The following IDH3B variants were observed in gnomAD, a reference collection of about 807,000 sequenced individuals.
The protein encoded by IDH3B is isocitrate dehydrogenase (NAD(+)) 3 non-catalytic subunit beta.
In IDH3B, 40 loss-of-function variants were observed where a neutral mutation model predicts 47.5. That is an observed-to-expected ratio of 0.84 (90% CI 0.65 to 1.10). The LOEUF is 1.10. Ranked by LOEUF, IDH3B falls within the 50% of genes least tolerant of loss-of-function variation. The probability of loss-of-function intolerance (pLI) is 0.00; values close to 1 mark genes in which losing one functional copy is unlikely to be tolerated. For synonymous variants in IDH3B, 185 were observed against 191.0 expected, an observed-to-expected ratio of 0.97 and a Z score of 0.26; for missense variants, 450 against 505.2, an observed-to-expected ratio of 0.89 and a Z score of 1.05.
intron 11 of IDH3B, chr20:2,659,216 G>A (rs2086888729): frequency 6.9e-7 from 1 of 1,439,306 alleles, no homozygotes; most frequent in Middle Eastern, 2.6e-4. Flanking sequence ...TGTATCCCTT[G>A]CTGTTCCACC....
intron 11 of IDH3B, 97 bp from the exon 12 acceptor site, chr20:2,658,934 C>T (rs1223806643): frequency 7.0e-6 from 11 of 1,572,390 alleles, no homozygotes; most frequent in Admixed American, 1.8e-5. Flanking sequence ...GCCAAGAATG[C>T]GTGACAGCCA....
chr20:2,662,969 A>G (rs2086974695), intron 4 of IDH3B, among the ~76,000 whole-genome samples: 2 of 150,642 alleles, frequency 1.3e-5, no homozygotes, highest in South Asian at 4.2e-4. Flanking sequence ...AACAAAACAA[A>G]CACAAAAATT....
Position 2,659,779 on chromosome 20 carries a change from T to C in IDH3B, c.930A>G (p.Pro310=). ...TATTCCTGCCCACTGCCTGGGCAAA[T>C]GGGTGCCGGGCACCCTGTGGAGAGA... ...YAVFETGARH[P]FAQAVGRNIA... The change falls in exon 10 of 12, where the codon CCA becomes CCG. Residue 310 remains proline (P), a synonymous_variant. Coordinates refer to ENST00000380843, the MANE Select transcript of IDH3B (RefSeq NM_006899.5). 1 of 1,613,536 alleles carries C rather than the reference T, an allele frequency of 6.2e-7. No homozygotes were observed. The highest frequency in any genetic ancestry group is 8.5e-7 in the Non-Finnish European group (1 of 1,179,504).
At position 2,658,466 on chromosome 20, in the gene IDH3B, G is replaced by A; in HGVS notation, c.*285C>T. On this transcript the variant is annotated 3_prime_UTR_variant, in exon 12 of 12. Transcript: ENST00000380843. ...CCTATGGGTGGGGCAAGGCAGCAAT[G>A]ACAGCCTCAGTGAAGTCATGGCAAG... 1 of 1,614,158 alleles carries A rather than the reference G, an allele frequency of 6.2e-7. No homozygotes were observed. Among genetic ancestry groups the A allele is most frequent in the Non-Finnish European group, 8.5e-7 (1 of 1,180,020 alleles).
chr20:2,660,478 G>A lies in IDH3B; in HGVS notation c.644C>T (p.Ala215Val). Residue 215 changes from alanine to valine, a missense_variant, in exon 7 of 12, where the codon GCT becomes GTT. Transcript: ENST00000380843. The surrounding 1 kb of genome is among the most constrained non-coding windows in gnomAD (Gnocchi z 5.6). The part of the protein sequence containing the change: ...ATKKGRGKVT[A>V]VHKANIMKLG... ...TCACATGATGTTGGCCTTGTGGACAGCAGTGACCTTGCCCCGCCCCTTCTT... is the reference window on the plus strand; with the variant it reads ...TCACATGATGTTGGCCTTGTGGACAACAGTGACCTTGCCCCGCCCCTTCTT... 1.2e-6 allele frequency: 2 copies of A among 1,613,964 alleles called. No individual in the cohort carries two copies. The highest frequency in any genetic ancestry group is 1.7e-6 in the Non-Finnish European group (2 of 1,179,986).
chr20:2,660,719 TC>T lies in IDH3B; in HGVS notation c.508del (p.Glu170SerfsTer13). The T allele has an allele frequency of 6.2e-7, 1 of 1,614,154 alleles. No individual in the cohort carries two copies. Among genetic ancestry groups the T allele is most frequent in the Non-Finnish European group, 8.5e-7 (1 of 1,180,040 alleles). On this transcript the variant is annotated frameshift_variant, in exon 6 of 12. Coordinates refer to ENST00000380843, the MANE Select transcript of IDH3B (RefSeq NM_006899.5). LOFTEE classifies it high-confidence loss of function. The surrounding 1 kb of genome is among the most constrained non-coding windows in gnomAD (Gnocchi z 5.6). ...CACCTCATGTTCCAGAGAGCTGTAC[TC>T]CCCTTCTGTCTGCTCTCGAATGATC... is the stretch of plus-strand genomic sequence containing the variant. Reference protein sequence around the residue: ...LVIIREQTEGEYSSLEHESAR... With the variant: ...LVIIREQTEGXYSSLEHESAR...
intron 4 of IDH3B, 56 bp from the exon 5 acceptor site, chr20:2,661,025 T>A (rs2086937745): frequency 6.8e-7 from 1 of 1,481,096 alleles, no homozygotes; most frequent in Admixed American, 1.7e-5. Context: ...CCAAGGGAAC[T>A]CAGACCAGTG....
Position 2,658,829 on chromosome 20 carries a change from AGT to A in IDH3B, c.1078_1079del (p.Thr360SerfsTer23). On this transcript the variant is annotated frameshift_variant, in exon 12 of 12. Transcript: ENST00000380843. LOFTEE classifies it high-confidence loss of function. ...TGGTGCTGTAGCCGCCCATGTCTCG[AGT>A]CCGCACCTACAGCCACCACCGGCAA... The part of the protein sequence containing the change: ...KKVIKVGKVR[T>X]RDMGGYSTTT... The A allele has an allele frequency of 6.2e-7, 1 of 1,614,076 alleles. No individual in the cohort carries two copies. The highest frequency in any genetic ancestry group is 2.2e-5 in the East Asian group (1 of 44,870).
rs369324412 is a variant in IDH3B at position 2,659,634 on chromosome 20, G to A, written c.1011-49C>T. ...CTGTGACTCCCCCAAGACACCTCCC[G>A]CTAATTTCCCCACCTGCTCCTCCTC... On this transcript the variant is annotated intron_variant, in intron 10 of 11. Transcript: ENST00000380843. The A allele has an allele frequency of 1.9e-5, 31 of 1,607,274 alleles. 1 individual carries two copies. The highest frequency in any genetic ancestry group is 1.6e-4 in the Middle Eastern group (1 of 6,074).
chr20:2,658,704 G>A lies in IDH3B; in HGVS notation c.*47C>T, dbSNP rs149858382. 2.9e-5 allele frequency: 47 copies of A among 1,614,152 alleles called. No homozygotes were observed. In the East Asian group the frequency reaches 9.6e-4, roughly 33 times the overall value. On this transcript the variant is annotated 3_prime_UTR_variant, in exon 12 of 12. Coordinates refer to ENST00000380843, the MANE Select transcript of IDH3B (RefSeq NM_006899.5). ...CTCTTCCCTGGTACACTGCACTGAAGGGTATGGGGAGTGTGGTCCTTGCAA... is the reference window on the plus strand; with the variant it reads ...CTCTTCCCTGGTACACTGCACTGAAAGGTATGGGGAGTGTGGTCCTTGCAA...
chr20:2,659,182 G>A (rs1397815392), intron 11 of IDH3B: 1 of 1,217,864 alleles, frequency 8.2e-7, no homozygotes, highest in Admixed American at 5.3e-5. Context: ...GGGCGTGAAG[G>A]TGAAGCTGAT....
At chr20:2,663,143 G>A (rs1245306039) in intron 4 of IDH3B, among the ~76,000 whole-genome samples, 15 of 141,364 alleles carry the variant, frequency 1.1e-4, no homozygotes, top group African/African-American at 3.0e-4. Flanking sequence ...GGAAGGGAGG[G>A]GAAAAAAAAA....
intron 4 of IDH3B, 87 bp from the exon 5 acceptor site, chr20:2,661,056 C>T: frequency 1.8e-6 from 2 of 1,115,218 alleles, no homozygotes; most frequent in Non-Finnish European, 2.7e-6. Context: ...TTAGGAACAT[C>T]ATGTAACCCA....
Position 2,658,515 on chromosome 20 carries a change from G to A in IDH3B, c.*236C>T. ...AGTAGCATAGCCACCCATGTCAGAGGTTCGAACCTGTGGGGGAGAATCATC... is the reference window on the plus strand; with the variant it reads ...AGTAGCATAGCCACCCATGTCAGAGATTCGAACCTGTGGGGGAGAATCATC... On this transcript the variant is annotated 3_prime_UTR_variant, in exon 12 of 12. Coordinates refer to ENST00000380843, the MANE Select transcript of IDH3B (RefSeq NM_006899.5). 1 of 1,614,018 alleles carries A rather than the reference G, an allele frequency of 6.2e-7. No individual in the cohort carries two copies. Among genetic ancestry groups the A allele is most frequent in the Non-Finnish European group, 8.5e-7 (1 of 1,179,984 alleles).
At position 2,658,577 on chromosome 20, in the gene IDH3B, C is replaced by G; in HGVS notation, c.*174G>C. ...GGCCTGGGCTCCATCCTAACAATCC[C>G]CATCACCACCCAACAGTCTGTCCCC... On this transcript the variant is annotated 3_prime_UTR_variant, in exon 12 of 12. Transcript: ENST00000380843. 1 of 1,612,142 alleles carries G rather than the reference C, an allele frequency of 6.2e-7. No individual in the cohort carries two copies. Among genetic ancestry groups the G allele is most frequent in the East Asian group, 2.2e-5 (1 of 44,828 alleles).
chr20:2,659,636 T>C, intron 10 of IDH3B, 51 bp from the exon 11 acceptor site: 1 of 1,609,356 alleles, frequency 6.2e-7, no homozygotes, highest in East Asian at 2.2e-5. Context: ...CACCTCCCGC[T>C]AATTTCCCCA....
chr20:2,663,794 G>A lies in IDH3B; in HGVS notation c.118-36C>T, dbSNP rs76224310. 1.5e-3 allele frequency: 2,361 copies of A among 1,608,936 alleles called. 33 individuals carry two copies. The African/African-American group carries it at 0.027, about 18-fold the overall frequency. ...GGAAGAGGGGAGAAGTAAAGATAGAGCTGGGGCGGGAGCACGGATCCTGGG... is the reference window on the plus strand; with the variant it reads ...GGAAGAGGGGAGAAGTAAAGATAGAACTGGGGCGGGAGCACGGATCCTGGG... On this transcript the variant is annotated intron_variant, in intron 2 of 11. Coordinates refer to ENST00000380843, the MANE Select transcript of IDH3B (RefSeq NM_006899.5).
At chr20:2,659,951 A>C in intron 9 of IDH3B, 79 bp downstream of exon 9, 32 of 1,577,236 alleles carry the variant, frequency 2.0e-5, no homozygotes, top group Non-Finnish European at 2.8e-5. Flanking sequence ...AAGATCACTT[A>C]GGAAGTGGAG....
In IDH3B at chr20:2,659,586, CTG is replaced by C. The variant is rs1419359874; in HGVS notation, c.1011-3_1011-2del. On this transcript the variant is annotated splice_acceptor_variant and splice_polypyrimidine_tract_variant and intron_variant, in intron 10 of 11. Transcript: ENST00000380843. LOFTEE classifies it high-confidence loss of function. Reference sequence around the variant, plus strand: ...GATCATGCTGGAGTGATACTCAAGACTGTGGATATGGACAGGAAGAAACTGTG... The same window carrying C: ...GATCATGCTGGAGTGATACTCAAGACTGGATATGGACAGGAAGAAACTGTG... The C allele has an allele frequency of 5.6e-6, 9 of 1,614,208 alleles. No homozygotes were observed. The highest frequency in any genetic ancestry group is 4.5e-5 in the East Asian group (2 of 44,888).
Sources: allele counts gnomAD v4.1 joint callset (sites outside exome capture counted in the v4.1 genomes callset), GRCh38; gene constraint gnomAD v4.1.1; non-coding constraint Gnocchi (gnomAD v3.1); transcripts MANE v1.5; gene names NCBI Gene and HGNC (gene_info 2026-07-23, HGNC 2026-07-21).